Variants in FDFT1 observed in about 807,000 individuals in gnomAD.
FDFT1 encodes farnesyl-diphosphate farnesyltransferase 1, also known as squalene synthase.
Under a neutral mutation model 46.8 loss-of-function variants are expected in FDFT1, and 68 were observed. The ratio of observed to expected loss-of-function variants is 1.45; its 90% CI spans 1.19 to 1.78. The LOEUF is 1.78. Ranked by LOEUF, FDFT1 falls within the 40% of genes most tolerant of loss-of-function variation. FDFT1 has a pLI of 0.00. For synonymous variants in FDFT1, 351 were observed against 185.1 expected, an observed-to-expected ratio of 1.90 and a Z score of -7.28; for missense variants, 928 against 524.4, an observed-to-expected ratio of 1.77 and a Z score of -7.52.
At chr8:11,824,368 TGA>T (rs1417447904) in intron 4 of FDFT1, among the ~76,000 whole-genome samples, 1 of 152,196 alleles carries the variant, frequency 6.6e-6, no homozygotes, top group East Asian at 1.9e-4. Flanking sequence ...AAATCTCTGT[TGA>T]GAGAGGGGAA....
intron 3 of FDFT1, among the ~76,000 whole-genome samples, chr8:11,820,508 G>C (rs1205647837): frequency 6.6e-6 from 1 of 152,210 alleles, no homozygotes; most frequent in Non-Finnish European, 1.5e-5. Context: ...GCTCCACCCA[G>C]TTCAAGCTTC....
At chr8:11,806,660 A>G (rs1379817132) in intron 1 of FDFT1, among the ~76,000 whole-genome samples, 1 of 152,190 alleles carries the variant, frequency 6.6e-6, no homozygotes, top group Non-Finnish European at 1.5e-5. Flanking sequence ...GACATTTGGC[A>G]GTGCAGTTAA....
intron 3 of FDFT1, among the ~76,000 whole-genome samples, chr8:11,811,576 G>A (rs150227729): frequency 6.6e-6 from 1 of 152,238 alleles, no homozygotes; most frequent in South Asian, 2.1e-4. Flanking sequence ...TGAAACTTCA[G>A]TGTCTTCCTG....
rs146977984 is a variant in FDFT1, at chr8:11,831,520, G to C, written c.882G>C (p.Val294=). The C allele has an allele frequency of 2.5e-6, 4 of 1,613,944 alleles. No individual in the cohort carries two copies. The highest frequency in any genetic ancestry group is 3.4e-6 in the Non-Finnish European group (4 of 1,179,860). The part of the protein sequence containing the change: ...SVFNFCAIPQ[V]MAIATLAACY... Reference sequence around the variant, plus strand: ...CCCTCTCTTCTTGTTGTCTCTAGGTGATGGCCATTGCCACTTTGGCTGCCT... The same window carrying C: ...CCCTCTCTTCTTGTTGTCTCTAGGTCATGGCCATTGCCACTTTGGCTGCCT... The change falls in exon 7 of 8, where the codon GTG becomes GTC. Residue 294 remains valine (V), a splice_region_variant and synonymous_variant. Transcript: ENST00000220584.
intron 1 of FDFT1, chr8:11,808,550 G>A (rs1807214568): frequency 3.7e-6 from 5 of 1,365,018 alleles, no homozygotes; most frequent in South Asian, 1.7e-5. Flanking sequence ...CCAAGGCCAT[G>A]GCCCTCTTCA....
chr8:11,816,549 A>G (rs1490765105), intron 3 of FDFT1, among the ~76,000 whole-genome samples: 3 of 152,174 alleles, frequency 2.0e-5, no homozygotes, highest in African/African-American at 4.8e-5. Context: ...TTCATTGAGC[A>G]GTGGTTTGTA....
At chr8:11,810,471 C>T (rs1321749521) in intron 3 of FDFT1, among the ~76,000 whole-genome samples, 3 of 152,194 alleles carry the variant, frequency 2.0e-5, no homozygotes, top group Non-Finnish European at 2.9e-5. Flanking sequence ...TGCTTTGTGT[C>T]TCCGTCTCCT....
chr8:11,826,333 G>A (rs1304410057), intron 5 of FDFT1, 118 bp downstream of exon 5: 1 of 683,392 alleles, frequency 1.5e-6, no homozygotes, highest in Non-Finnish European at 2.4e-6. Context: ...GGCAGCATAA[G>A]GGGATGTGGA....
chr8:11,816,870 GC>G (rs1446310708), intron 3 of FDFT1, among the ~76,000 whole-genome samples: 2 of 152,034 alleles, frequency 1.3e-5, no homozygotes, highest in East Asian at 1.9e-4. Context: ...TCTTTCTCTT[GC>G]CTGATTATCC....
upstream of FDFT1, chr8:11,802,169 G>T (rs1368714935): frequency 4.5e-6 from 2 of 447,360 alleles, no homozygotes; most frequent in South Asian, 1.6e-5. Context: ...GCTGGATGGC[G>T]GTGGCGGGCA....
Position 11,809,980 on chromosome 8 carries a change from A to G in FDFT1, c.381+130A>G, listed in dbSNP as rs922846122. 8 of 677,992 alleles carry G rather than the reference A, an allele frequency of 1.2e-5. No individual in the cohort carries two copies. In the African/African-American group the frequency reaches 1.5e-4, roughly 12 times the overall value. The allele number at this position is 677,992 out of a possible 1,614,324, so 42.0% of individuals were successfully genotyped here. On this transcript the variant is annotated intron_variant, in intron 3 of 7. Transcript: ENST00000220584. ...TGAGGGCAGCATAATGTGAGGGTTA[A>G]AAACTCCGGTAGCCAAGACTCTGAA... is the stretch of plus-strand genomic sequence containing the variant.
chr8:11,804,602 T>TTC (rs1806576823), intron 1 of FDFT1, among the ~76,000 whole-genome samples: 1 of 135,072 alleles, frequency 7.4e-6, no homozygotes, highest in Admixed American at 7.2e-5. Flanking sequence ...TAGTTTCTCT[T>TTC]TTTTTTTTTT....
In FDFT1 at chr8:11,826,143, T is replaced by G. The variant is rs755329339; in HGVS notation, c.630T>G (p.Phe210Leu). The G allele has an allele frequency of 1.9e-6, 3 of 1,608,922 alleles. No individual in the cohort carries two copies. The highest frequency in any genetic ancestry group is 2.6e-6 in the Non-Finnish European group (3 of 1,176,016). Residue 210 changes from phenylalanine (F) to leucine (L), a missense_variant, in exon 5 of 8, where the codon TTT becomes TTG. Phe to Leu is a conservative substitution (Grantham distance 22, BLOSUM62 0). Coordinates refer to ENST00000220584, the MANE Select transcript of FDFT1 (RefSeq NM_004462.5). ...DTERANSMGL[F>L]LQKTNIIRDY... ...AACGTGCCAACTCTATGGGCCTGTT[T>G]TTGCAGAAAACAAACATCATCCGTG...
At chr8:11,816,848 A>T (rs912430187) in intron 3 of FDFT1, among the ~76,000 whole-genome samples, 9 of 152,198 alleles carry the variant, frequency 5.9e-5, no homozygotes, top group African/African-American at 2.2e-4. Flanking sequence ...TCCTAATTGA[A>T]TACCCTTTAT....
chr8:11,815,829 CTGA>C (rs1331702860), intron 3 of FDFT1, among the ~76,000 whole-genome samples: 3 of 152,132 alleles, frequency 2.0e-5, no homozygotes, highest in Admixed American at 6.5e-5. Flanking sequence ...GCCTTTTACT[CTGA>C]TGATAGTTTC....
intron 2 of FDFT1, 26 bp downstream of exon 2, chr8:11,808,917 G>T (rs760560617): frequency 6.2e-7 from 1 of 1,607,684 alleles, no homozygotes. Context: ...AGCGCCTCTG[G>T]CTTGGAGGAA....
At chr8:11,814,014 G>T (rs1369085503) in intron 3 of FDFT1, among the ~76,000 whole-genome samples, 2 of 152,188 alleles carry the variant, frequency 1.3e-5, no homozygotes, top group Admixed American at 1.3e-4. Flanking sequence ...ATAATAAAAA[G>T]TCGTTGGAAG....
In FDFT1 at chr8:11,830,341, T is replaced by G; in HGVS notation, c.800T>G (p.Leu267Arg). The G allele has an allele frequency of 1.9e-6, 3 of 1,613,894 alleles. No homozygotes were observed. Among genetic ancestry groups the G allele is most frequent in the Non-Finnish European group, 2.5e-6 (3 of 1,179,784 alleles). ...QCLNELITNA[L>R]HHIPDVITYL... Reference sequence around the variant, plus strand: ...CTGAATGAACTTATAACCAATGCACTGCACCACATCCCAGATGTCATCACC... The same window carrying G: ...CTGAATGAACTTATAACCAATGCACGGCACCACATCCCAGATGTCATCACC... Residue 267 changes from leucine to arginine, a missense_variant, in exon 6 of 8, where the codon CTG (leucine) becomes CGG (arginine). Coordinates refer to ENST00000220584, the MANE Select transcript of FDFT1 (RefSeq NM_004462.5).
At chr8:11,801,016 C>CCT (rs1293401701), upstream of FDFT1, among the ~76,000 whole-genome samples, 20 of 152,024 alleles carry the variant, frequency 1.3e-4, no homozygotes, top group Non-Finnish European at 1.2e-4. Context: ...TAAATATAGG[C>CCT]AAGTAGACCC....
Sources: allele counts gnomAD v4.1 joint callset (sites outside exome capture counted in the v4.1 genomes callset), GRCh38; gene constraint gnomAD v4.1.1; transcripts MANE v1.5; gene names NCBI Gene and HGNC (gene_info 2026-07-23, HGNC 2026-07-21).